Variants in VDR observed in about 807,000 individuals in gnomAD.
VDR encodes vitamin D receptor.
A neutral mutation model predicts 39.7 loss-of-function variants in VDR; 19 were observed. The observed-to-expected ratio is 0.48, with a 90% CI of 0.33 to 0.70. The LOEUF (loss-of-function observed/expected upper bound fraction) is 0.70, where lower values mean the gene tolerates loss of function less well. Ranked by LOEUF, VDR falls within the 30% of genes least tolerant of loss-of-function variation. The pLI, the probability that VDR is intolerant of heterozygous loss-of-function variation, is 0.02. For synonymous variants in VDR, 242 were observed against 215.8 expected (o/e 1.12, Z -1.07); for missense variants, 442 against 570.5 (o/e 0.77, Z 2.29).
chr12:47,865,997 G>C (rs888338713), intron 3 of VDR, among the ~76,000 whole-genome samples: 1 of 147,952 alleles, frequency 6.8e-6, no homozygotes, highest in Non-Finnish European at 1.5e-5. Flanking sequence ...TTACAGGCGT[G>C]AGCCATCGCG....
intron 7 of VDR, among the ~76,000 whole-genome samples, chr12:47,849,831 C>T (rs1024222948): frequency 1.3e-4 from 19 of 150,560 alleles, no homozygotes; most frequent in African/African-American, 4.4e-4. Context: ...TATTTTCTTC[C>T]TATCTTTTTT....
chr12:47,880,562 G>A (rs1253327447), intron 2 of VDR, among the ~76,000 whole-genome samples: 1 of 152,152 alleles, frequency 6.6e-6, no homozygotes, highest in African/African-American at 2.4e-5. Context: ...AAGAAGTGGT[G>A]CAGATAAGCA....
chr12:47,862,028 T>G (rs912317595), intron 4 of VDR, among the ~76,000 whole-genome samples: 5 of 152,248 alleles, frequency 3.3e-5, no homozygotes, highest in Non-Finnish European at 5.9e-5. Context: ...TATTCATTGA[T>G]TCCACACATT....
At chr12:47,878,946 A>G (rs1393129470) in intron 3 of VDR, 22 bp downstream of exon 3, 2 of 1,614,002 alleles carry the variant, frequency 1.2e-6, no homozygotes, top group African/African-American at 1.3e-5. Context: ...TCCACTGGGG[A>G]GAGCCTGGGA....
intron 7 of VDR, among the ~76,000 whole-genome samples, chr12:47,851,413 A>G (rs1945385260): frequency 6.6e-6 from 1 of 152,062 alleles, no homozygotes; most frequent in Non-Finnish European, 1.5e-5. Flanking sequence ...CACACCAAGA[A>G]CAGCCCATCC....
At chr12:47,856,361 T>C (rs1237764254) in intron 6 of VDR, among the ~76,000 whole-genome samples, 2 of 152,178 alleles carry the variant, frequency 1.3e-5, no homozygotes, top group Non-Finnish European at 2.9e-5. Flanking sequence ...CTGGAATTCA[T>C]TGTAAGGGAA....
intron 3 of VDR, among the ~76,000 whole-genome samples, chr12:47,877,197 G>C (rs759501285): frequency 6.6e-5 from 10 of 152,062 alleles, no homozygotes; most frequent in Non-Finnish European, 1.3e-4. Flanking sequence ...ACCAGCCTGG[G>C]CAACATAAGG....
chr12:47,875,320 C>A (rs1468309967), intron 3 of VDR, among the ~76,000 whole-genome samples: 1 of 152,094 alleles, frequency 6.6e-6, no homozygotes, highest in African/African-American at 2.4e-5. Context: ...AGCTAGTGAC[C>A]CAATATTCAA....
chr12:47,891,270 C>T (rs1447747019), intron 1 of VDR, among the ~76,000 whole-genome samples: 1 of 152,198 alleles, frequency 6.6e-6, no homozygotes, highest in East Asian at 1.9e-4. Flanking sequence ...ATACCTGAGT[C>T]TCAGTTCTTG....
chr12:47,873,126 G>T (rs1216928474), intron 3 of VDR, among the ~76,000 whole-genome samples: 2 of 152,168 alleles, frequency 1.3e-5, no homozygotes, highest in Non-Finnish European at 2.9e-5. Context: ...GGTGGGACAT[G>T]ATTGGATCAT....
intron 3 of VDR, among the ~76,000 whole-genome samples, chr12:47,869,332 C>T (rs1056078251): frequency 4.6e-5 from 7 of 151,624 alleles, no homozygotes; most frequent in Non-Finnish European, 7.4e-5. Flanking sequence ...GTCAGGAGAT[C>T]GAGACCATTG....
chr12:47,885,304 C>T (rs907576959), intron 1 of VDR, among the ~76,000 whole-genome samples: 2 of 152,242 alleles, frequency 1.3e-5, no homozygotes, highest in African/African-American at 2.4e-5. Context: ...CCAGTGCTGA[C>T]CTTGCCTTAG....
intron 7 of VDR, among the ~76,000 whole-genome samples, chr12:47,854,074 T>C (rs1469346357): frequency 6.6e-6 from 1 of 152,254 alleles, no homozygotes; most frequent in Non-Finnish European, 1.5e-5. Flanking sequence ...GAACTCCTTA[T>C]ACTTATATAT....
chr12:47,888,339 A>G (rs190684726), intron 1 of VDR, among the ~76,000 whole-genome samples: 1 of 152,264 alleles, frequency 6.6e-6, no homozygotes, highest in Non-Finnish European at 1.5e-5. Context: ...TCACAGGGCT[A>G]GTGGGTCACT....
chr12:47,872,056 C>G (rs1468600867), intron 3 of VDR, among the ~76,000 whole-genome samples: 1 of 152,226 alleles, frequency 6.6e-6, no homozygotes, highest in Non-Finnish European at 1.5e-5. Context: ...ACTTACATAT[C>G]CTCTTAAACT....
intron 1 of VDR, chr12:47,896,866 C>G (rs1447239376): frequency 6.6e-6 from 1 of 152,300 alleles, no homozygotes; most frequent in East Asian, 1.9e-4. Flanking sequence ...AATTCAGAGC[C>G]GTTTGGAACA....
intron 1 of VDR, among the ~76,000 whole-genome samples, chr12:47,888,716 C>T (rs373327266): frequency 2.6e-5 from 4 of 152,008 alleles, no homozygotes; most frequent in Non-Finnish European, 5.9e-5. Flanking sequence ...AAACGGAGGC[C>T]GTGAAAGTAG....
In VDR at chr12:47,859,821, C is replaced by T. The variant is rs1279266552; in HGVS notation, c.278-2133G>A. 2.6e-5 allele frequency among the ~76,000 whole-genome samples: 4 copies of T among 151,814 alleles called. No individual in the cohort carries two copies. The East Asian group carries it at 7.7e-4, about 29-fold the overall frequency. ...CAGGGTCCATGTCTTACAATTCTTT[C>T]TTTTCTCTCCCTTCCTTTCCCTTCC... On this transcript the variant is annotated intron_variant, in intron 4 of 9. Coordinates refer to ENST00000549336, the MANE Select transcript of VDR (RefSeq NM_000376.3).
At chr12:47,855,343 T>TAAAA (rs1314885448) in intron 7 of VDR, among the ~76,000 whole-genome samples, 1 of 144,530 alleles carries the variant, frequency 6.9e-6, no homozygotes, top group South Asian at 2.2e-4. Context: ...AAAATAAAAA[T>TAAAA]AAATAAATAA....
Sources: gnomAD v4.1 joint callset for allele counts (sites outside exome capture counted in the v4.1 genomes callset) on GRCh38, gnomAD v4.1.1 for gene constraint, MANE v1.5 for transcripts, NCBI Gene and HGNC (gene_info 2026-07-23, HGNC 2026-07-21) for gene names.